Variants in CHLSN observed in about 807,000 individuals in gnomAD.
CHLSN encodes protein cholesin.
At chr7:1,082,212 C>CGTGGT in the CHLSN span, 2 of 152,270 alleles carry the variant, frequency 1.3e-5, 1 homozygote, top group South Asian at 4.1e-4. Flanking sequence ...TTCTTCATTC[C>CGTGGT]ATGGTACTCG....
chr7:1,096,225 G>A, the CHLSN span, among the ~76,000 whole-genome samples: 1 of 152,204 alleles, frequency 6.6e-6, no homozygotes, highest in Non-Finnish European at 1.5e-5. This position sits in a 1 kb window ranked among gnomAD's most constrained non-coding sequence, Gnocchi z 4.6. Flanking sequence ...CCAAGGCTCT[G>A]GGCAGACAGA....
chr7:1,133,364 G>C, the CHLSN span, among the ~76,000 whole-genome samples: 1 of 137,806 alleles, frequency 7.3e-6, no homozygotes, highest in East Asian at 2.4e-4. Context: ...AGATTGTGGT[G>C]ATGGTTTCAC....
At chr7:1,013,985 T>A in the CHLSN span, among the ~76,000 whole-genome samples, 1 of 152,182 alleles carries the variant, frequency 6.6e-6, no homozygotes, top group Admixed American at 6.5e-5. Flanking sequence ...ACAGATAAAC[T>A]GCGACCCCGA....
the CHLSN span, chr7:1,059,409 C>A: frequency 1.3e-5 from 2 of 152,426 alleles, no homozygotes; most frequent in Non-Finnish European, 2.9e-5. Flanking sequence ...CGTATCTCCG[C>A]GGCCCTCGCA....
At chr7:1,071,167 C>A in the CHLSN span, among the ~76,000 whole-genome samples, 2 of 152,254 alleles carry the variant, frequency 1.3e-5, no homozygotes, top group Non-Finnish European at 2.9e-5. Context: ...TCAAGCAAAG[C>A]CACACTGACA....
At chr7:1,078,143 G>A in the CHLSN span, 1 of 152,266 alleles carries the variant, frequency 6.6e-6, no homozygotes, top group Non-Finnish European at 1.5e-5. Context: ...GCTGGACGAG[G>A]TCTGCGGACA....
the CHLSN span, among the ~76,000 whole-genome samples, chr7:1,064,239 G>A: frequency 2.0e-5 from 3 of 152,194 alleles, no homozygotes; most frequent in Non-Finnish European, 4.4e-5. Context: ...ACCCGACACA[G>A]CGCCGGGTCC....
chr7:982,722 G>C, the CHLSN span, among the ~76,000 whole-genome samples: 2 of 152,252 alleles, frequency 1.3e-5, no homozygotes, highest in Non-Finnish European at 1.5e-5. Context: ...GCTGATCAGA[G>C]AAGAGCTGGG....
At chr7:1,026,442 G>C in the CHLSN span, 1 of 152,230 alleles carries the variant, frequency 6.6e-6, no homozygotes, top group Non-Finnish European at 1.5e-5. Flanking sequence ...CTAGCTGTGA[G>C]AACACTAACC....
the CHLSN span, among the ~76,000 whole-genome samples, chr7:1,039,382 G>A: frequency 2.5e-3 from 103 of 41,026 alleles, 1 homozygote; most frequent in African/African-American, 0.016. Context: ...TCAGCCCCCC[G>A]CCCGGCCAGC....
chr7:1,128,961 C>A, the CHLSN span, among the ~76,000 whole-genome samples: 1 of 4,426 alleles, frequency 2.3e-4, no homozygotes. Flanking sequence ...GCCATCTCGG[C>A]TCATCCCACC....
the CHLSN span, among the ~76,000 whole-genome samples, chr7:1,033,295 C>T: frequency 2.0e-5 from 3 of 152,214 alleles, no homozygotes; most frequent in African/African-American, 7.2e-5. Context: ...CAGTGGCTCA[C>T]GCCTGTGATC....
the CHLSN span, among the ~76,000 whole-genome samples, chr7:1,018,970 T>C: frequency 6.6e-6 from 1 of 151,622 alleles, no homozygotes; most frequent in African/African-American, 2.4e-5. Flanking sequence ...CCGAGGTGGG[T>C]GGATCATCTG....
the CHLSN span, among the ~76,000 whole-genome samples, chr7:998,457 C>CTTTTTTTTTTTTTTTT: frequency 5.3e-5 from 5 of 95,012 alleles, no homozygotes; most frequent in Non-Finnish European, 8.2e-5. Context: ...GTCTTAGATT[C>CTTTTTTTTTTTTTTTT]TTTTTTTTTT....
the CHLSN span, chr7:986,864 G>C: frequency 7.0e-7 from 1 of 1,420,582 alleles, no homozygotes; most frequent in African/African-American, 1.4e-5. Context: ...AGGGGAGCAC[G>C]GCTGGGGAGG....
the CHLSN span, among the ~76,000 whole-genome samples, chr7:982,674 T>C: frequency 6.6e-6 from 1 of 152,204 alleles, no homozygotes; most frequent in African/African-American, 2.4e-5. Flanking sequence ...CTCATGGGCC[T>C]CCCTGAGGTC....
the CHLSN span, among the ~76,000 whole-genome samples, chr7:1,053,700 G>A: frequency 5.9e-3 from 896 of 152,302 alleles, 8 homozygotes; most frequent in Middle Eastern, 0.027. Flanking sequence ...GGTGGCAGTC[G>A]CCTGTAATCC....
the CHLSN span, chr7:988,956 C>G: frequency 1.6e-5 from 10 of 620,836 alleles, no homozygotes; most frequent in Middle Eastern, 1.8e-3. Flanking sequence ...CCCCCACCCC[C>G]ACAGGGTCAG....
the CHLSN span, among the ~76,000 whole-genome samples, chr7:1,103,871 G>A: frequency 6.6e-6 from 1 of 152,244 alleles, no homozygotes; most frequent in Non-Finnish European, 1.5e-5. Context: ...CAAGGACCAG[G>A]CAGCGTGGAG....
Sources: allele counts gnomAD v4.1 joint callset (sites outside exome capture counted in the v4.1 genomes callset), GRCh38; gene constraint gnomAD v4.1.1; non-coding constraint Gnocchi (gnomAD v3.1); transcripts MANE v1.5; gene names NCBI Gene and HGNC (gene_info 2026-07-23, HGNC 2026-07-21).